Variants in ADGRE2 observed in about 807,000 individuals in gnomAD.
The protein encoded by ADGRE2 is CD97 antigen.
ADGRE2 carries 83 observed loss-of-function variants against 100.8 expected under a neutral mutation model. The ratio of observed to expected loss-of-function variants is 0.82; its 90% confidence interval spans 0.69 to 0.99. ADGRE2 has a LOEUF of 0.99. ADGRE2 is among the 50% of genes least tolerant of loss of function. ADGRE2 has a pLI of 0.00. For missense variants in ADGRE2, 814 were observed against 1,035.7 expected, an observed-to-expected ratio of 0.79 and a Z score of 2.94; for synonymous variants, 355 against 413.0, an observed-to-expected ratio of 0.86 and a Z score of 1.70.
intron 5 of ADGRE2, 76 bp downstream of exon 5, chr19:14,772,266 T>C: frequency 3.1e-6 from 5 of 1,595,612 alleles, no homozygotes; most frequent in Non-Finnish European, 4.3e-6. Flanking sequence ...ACCTGCTCCC[T>C]GGATGCTGCA....
At chr19:14,765,439 C>G (rs201637138) in intron 9 of ADGRE2, 42 bp from the exon 10 acceptor site, 1 of 1,613,528 alleles carries the variant, frequency 6.2e-7, no homozygotes, top group South Asian at 1.1e-5. Flanking sequence ...GCCTGGACGG[C>G]GGGTGGGAAG....
chr19:14,727,183 A>T, the ADGRE2 span, among the ~76,000 whole-genome samples: 5 of 151,886 alleles, frequency 3.3e-5, no homozygotes, highest in African/African-American at 7.3e-5. Flanking sequence ...GTCCGCCACC[A>T]CGCCTGGCTA....
Position 14,751,612 on chromosome 19 carries a change from C to T in ADGRE2, c.1848G>A (p.Trp616Ter), listed in dbSNP as rs1425200648. 1 of 1,613,806 alleles carries T rather than the reference C, an allele frequency of 6.2e-7. No homozygotes were observed. Among genetic ancestry groups the T allele is most frequent in the Non-Finnish European group, 8.5e-7 (1 of 1,179,998 alleles). The change falls in exon 16 of 21, where the codon TGG becomes TGA. Residue 616 changes from tryptophan (W) to a stop codon, truncating the protein, a stop_gained. Coordinates refer to ENST00000315576, the MANE Select transcript of ADGRE2 (RefSeq NM_013447.4). LOFTEE classifies it high-confidence loss of function. ...LHYLYLATLT[W>*]MLLEALYLFL... is the part of the protein sequence containing the mutation. ...AGAGGTACAGGGCCTCCAGCAGCAT[C>T]CAGGTCAAGGTGGCCAGGTAGAGAT...
intron 12 of ADGRE2, 39 bp downstream of exon 12, chr19:14,756,199 A>C: frequency 7.1e-7 from 1 of 1,414,874 alleles, no homozygotes; most frequent in Middle Eastern, 1.8e-4. Context: ...TTTTCCCACC[A>C]TGAAGCTTCA....
At chr19:14,765,226 G>C in intron 10 of ADGRE2, 94 bp downstream of exon 10, 9 of 1,327,516 alleles carry the variant, frequency 6.8e-6, no homozygotes, top group Non-Finnish European at 9.7e-6. Context: ...CACTGCATTG[G>C]GTCCTGTCCC....
At chr19:14,755,934 C>G (rs1568600364) in intron 12 of ADGRE2, 57 bp from the exon 13 acceptor site, 14 of 1,451,166 alleles carry the variant, frequency 9.6e-6, no homozygotes, top group Non-Finnish European at 1.3e-5. Context: ...GGGTCCACAC[C>G]AGAGTTCCTC....
rs149283281 is a variant in ADGRE2 at position 14,746,736 on chromosome 19, G to T, written c.2091+160C>A. ...CGTAAGTCTTTTTCTTAAATATTGA[G>T]TAACAGTGTTGAGTTTGAAGATTCA... is the stretch of plus-strand genomic sequence containing the variant. On this transcript the variant is annotated intron_variant, in intron 17 of 20. Transcript: ENST00000315576. Among the ~76,000 whole-genome samples, 150 of 152,276 alleles carry T rather than the reference G, an allele frequency of 9.9e-4. 1 individual carries two copies. Among genetic ancestry groups the T allele is most frequent in the Middle Eastern group, 3.4e-3 (1 of 294 alleles).
At chr19:14,725,273 A>G in the ADGRE2 span, among the ~76,000 whole-genome samples, 14 of 152,194 alleles carry the variant, frequency 9.2e-5, no homozygotes, top group African/African-American at 2.2e-4. Context: ...ATTTGCCCCC[A>G]TGATCCGAAT....
intron 4 of ADGRE2, among the ~76,000 whole-genome samples, chr19:14,773,513 G>C (rs1433469362): frequency 1.5e-5 from 2 of 136,500 alleles, no homozygotes; most frequent in East Asian, 4.4e-4. Flanking sequence ...CTCTTTCTTT[G>C]TTTCTTTCTT....
intron 11 of ADGRE2, among the ~76,000 whole-genome samples, chr19:14,763,211 C>T (rs895210307): frequency 3.3e-5 from 5 of 151,930 alleles, no homozygotes; most frequent in East Asian, 2.0e-4. Flanking sequence ...GGCGTGGTGG[C>T]GGGCACCTGT....
chr19:14,724,914 G>T, the ADGRE2 span, among the ~76,000 whole-genome samples: 3 of 152,148 alleles, frequency 2.0e-5, no homozygotes, highest in Non-Finnish European at 4.4e-5. Flanking sequence ...CATAAATGTA[G>T]GCAAATACCA....
At chr19:14,776,614 T>C (rs188489657) in intron 2 of ADGRE2, 112 bp downstream of exon 2, 12 of 1,271,622 alleles carry the variant, frequency 9.4e-6, no homozygotes, top group Middle Eastern at 1.9e-4. Flanking sequence ...TGTGGCTTTC[T>C]CCATCGCCGG....
intron 5 of ADGRE2, among the ~76,000 whole-genome samples, chr19:14,768,067 T>A (rs990292466): frequency 1.8e-4 from 27 of 152,218 alleles, no homozygotes; most frequent in Admixed American, 1.8e-3. Context: ...GATGCATGGC[T>A]CCAGCATCTG....
chr19:14,757,980 T>G lies in ADGRE2; in HGVS notation c.1085-1635A>C, dbSNP rs532116080. 1.3e-4 allele frequency among the ~76,000 whole-genome samples: 20 copies of G among 152,320 alleles called. No individual in the cohort carries two copies. In the South Asian group the frequency reaches 3.9e-3, roughly 30 times the overall value. ...CAACACATCTGGTTAATTATTTTTA[T>G]TTTTATTTTTAGTAAGGACAGGGTT... On this transcript the variant is annotated intron_variant, in intron 11 of 20. Transcript: ENST00000315576.
chr19:14,743,717 G>A lies in ADGRE2; in HGVS notation c.2251C>T (p.Gln751Ter). 6.2e-7 allele frequency: 1 copy of A among 1,614,182 alleles called. No homozygotes were observed. The highest frequency in any genetic ancestry group is 1.1e-5 in the South Asian group (1 of 91,086). ...ATGACCCGGGCAGCCGGACCCACCTGCAAGATGCCCAGACACCACGTGCAG... is the reference window on the plus strand; with the variant it reads ...ATGACCCGGGCAGCCGGACCCACCTACAAGATGCCCAGACACCACGTGCAG... ...LGCTWCLGIL[Q>*]VGPAARVMAY... The change falls in exon 19 of 21, where the codon CAG becomes TAG. Residue 751 changes from glutamine (Q) to a stop codon, truncating the protein, a stop_gained. Transcript: ENST00000315576. LOFTEE classifies it high-confidence loss of function.
At chr19:14,745,990 G>C (rs2043074566) in intron 18 of ADGRE2, among the ~76,000 whole-genome samples, 1 of 152,188 alleles carries the variant, frequency 6.6e-6, no homozygotes, top group African/African-American at 2.4e-5. Context: ...AGTCAATGAA[G>C]ATTCTTCCTG....
chr19:14,743,825 A>T, intron 18 of ADGRE2, 41 bp from the exon 19 acceptor site: 1 of 1,596,138 alleles, frequency 6.3e-7, no homozygotes, highest in East Asian at 2.2e-5. Flanking sequence ...GCACCCAGAG[A>T]AAGAGAATCA....
downstream of ADGRE2, chr19:14,731,156 C>T (rs1168328946): frequency 6.5e-7 from 1 of 1,533,688 alleles, no homozygotes; most frequent in East Asian, 2.4e-5. Context: ...ATTCTTCCTC[C>T]TTATAATTCC....
intron 20 of ADGRE2, 71 bp downstream of exon 20, chr19:14,743,349 C>T (rs1369724831): frequency 6.4e-6 from 8 of 1,259,026 alleles, no homozygotes; most frequent in Non-Finnish European, 8.2e-6. Flanking sequence ...CCCAGGTTTC[C>T]TTGTGTGATA....
Sources: gnomAD v4.1 joint callset for allele counts (sites outside exome capture counted in the v4.1 genomes callset) on GRCh38, gnomAD v4.1.1 for gene constraint, MANE v1.5 for transcripts, NCBI Gene and HGNC (gene_info 2026-07-23, HGNC 2026-07-21) for gene names.